Variants in HPGDS observed in about 807,000 individuals in gnomAD.
HPGDS encodes the protein hematopoietic prostaglandin D synthase, also known as GST class-sigma.
In HPGDS, 26 loss-of-function variants were observed where a neutral mutation model predicts 23.1. The observed-to-expected ratio is 1.13, with a 90% CI of 0.83 to 1.56. The LOEUF (loss-of-function observed/expected upper bound fraction) is 1.56, where lower values mean the gene tolerates loss of function less well. Ranked by LOEUF, HPGDS falls within the 40% of genes most tolerant of loss-of-function variation. The pLI, the probability that HPGDS is intolerant of heterozygous loss-of-function variation, is 0.00. For missense variants in HPGDS, 268 were observed against 236.4 expected, an observed-to-expected ratio of 1.13 and a Z score of -0.88; for synonymous variants, 95 against 77.9, an observed-to-expected ratio of 1.22 and a Z score of -1.16.
intron 2 of HPGDS, among the ~76,000 whole-genome samples, chr4:94,324,202 TC>T (rs1377803800): frequency 6.6e-6 from 1 of 152,186 alleles, no homozygotes; most frequent in East Asian, 1.9e-4. Context: ...ATTTTTTCCT[TC>T]ATTTCAACCT....
intron 2 of HPGDS, among the ~76,000 whole-genome samples, chr4:94,324,202 T>A (rs917236535): frequency 1.8e-4 from 27 of 152,186 alleles, no homozygotes; most frequent in Non-Finnish European, 2.9e-4. Flanking sequence ...ATTTTTTCCT[T>A]CATTTCAACC....
intron 2 of HPGDS, among the ~76,000 whole-genome samples, chr4:94,319,551 A>T (rs1312261940): frequency 6.6e-6 from 1 of 152,194 alleles, no homozygotes; most frequent in Non-Finnish European, 1.5e-5. Context: ...TTTGTGATTT[A>T]GTGGTTATCT....
Position 94,334,600 on chromosome 4 carries a change from A to G in HPGDS, c.30T>C (p.Asn10=). The G allele has an allele frequency of 1.9e-6, 3 of 1,613,226 alleles. No individual in the cohort carries two copies. Among genetic ancestry groups the G allele is most frequent in the Non-Finnish European group, 2.5e-6 (3 of 1,179,614 alleles). ...GAATAATTTCTGCTCTCCCCCTCAT[A>G]TTAAAATAAGTGAGTTTGTAGTTTG... MPNYKLTYF[N]MRGRAEIIRY... The change falls in exon 2 of 6, where the codon AAT becomes AAC. Residue 10 remains asparagine, a synonymous_variant. Transcript: ENST00000295256.
At chr4:94,306,298 G>C (rs1003211736) in intron 4 of HPGDS, among the ~76,000 whole-genome samples, 3 of 151,958 alleles carry the variant, frequency 2.0e-5, no homozygotes, top group Non-Finnish European at 4.4e-5. Context: ...TAATAAAGAC[G>C]TCTATTTAGA....
At chr4:94,331,376 T>C (rs1429038558) in intron 2 of HPGDS, among the ~76,000 whole-genome samples, 1 of 152,300 alleles carries the variant, frequency 6.6e-6, no homozygotes, top group African/African-American at 2.4e-5. Flanking sequence ...TTCCTCAGAG[T>C]TGCTTTTTTT....
At position 94,336,807 on chromosome 4, in the gene HPGDS, ATAAT is replaced by A. The variant is rs559645176; in HGVS notation, c.-9-2173_-9-2170del. On this transcript the variant is annotated intron_variant, in intron 1 of 5. Transcript: ENST00000295256. ...ACGAAAATAGTAAATAAAAAACATA[ATAAT>A]TAAGAGATTATTCTTATCCAGGAAA... Among the ~76,000 whole-genome samples, 24 of 152,322 alleles carry A rather than the reference ATAAT, an allele frequency of 1.6e-4. No homozygotes were observed. In the South Asian group the frequency reaches 4.4e-3, roughly 28 times the overall value.
chr4:94,340,314 T>TCTC (rs1560598045), intron 1 of HPGDS, among the ~76,000 whole-genome samples: 1 of 11,086 alleles, frequency 9.0e-5, no homozygotes, highest in African/African-American at 4.4e-4. Flanking sequence ...TCTTTCTCTT[T>TCTC]TTTTTTTTTT....
At chr4:94,309,526 T>C (rs1756216026) in intron 3 of HPGDS, among the ~76,000 whole-genome samples, 1 of 152,144 alleles carries the variant, frequency 6.6e-6, no homozygotes, top group South Asian at 2.1e-4. Context: ...ATCCAGTCTA[T>C]CATTGTTGGA....
chr4:94,316,639 A>T (rs1756404095), intron 3 of HPGDS, among the ~76,000 whole-genome samples: 2 of 152,160 alleles, frequency 1.3e-5, no homozygotes, highest in South Asian at 4.1e-4. Flanking sequence ...ATTCTCTTCC[A>T]CCTGCAAATT....
At chr4:94,320,333 C>T (rs561067933) in intron 2 of HPGDS, among the ~76,000 whole-genome samples, 15 of 152,244 alleles carry the variant, frequency 9.9e-5, no homozygotes, top group African/African-American at 3.1e-4. Flanking sequence ...TGAGGAATCA[C>T]CACACTGTCT....
chr4:94,334,746 G>C, intron 1 of HPGDS, 108 bp from the exon 2 acceptor site: 1 of 924,492 alleles, frequency 1.1e-6, no homozygotes, highest in Admixed American at 2.9e-5. Flanking sequence ...GAGATTACTG[G>C]AGACATTAGA....
chr4:94,340,466 G>A (rs1321317648), intron 1 of HPGDS, among the ~76,000 whole-genome samples: 1 of 145,644 alleles, frequency 6.9e-6, no homozygotes, highest in African/African-American at 2.5e-5. Flanking sequence ...AGCTTCCCGA[G>A]TAGCTGGGAC....
rs1360574870 is a variant in HPGDS at position 94,337,926 on chromosome 4, CTA to C, written c.-9-3290_-9-3289del. ...TTTCTCTGCAAAAATATCTTGAAGT[CTA>C]AGATTTGGCAGAGGCCCAATAGCAG... On this transcript the variant is annotated intron_variant, in intron 1 of 5. Coordinates refer to ENST00000295256, the MANE Select transcript of HPGDS (RefSeq NM_014485.3). 2.0e-5 allele frequency among the ~76,000 whole-genome samples: 3 copies of C among 152,180 alleles called. No homozygotes were observed. In the East Asian group the frequency reaches 5.8e-4, roughly 29 times the overall value.
At chr4:94,337,604 G>A (rs1721048411) in intron 1 of HPGDS, among the ~76,000 whole-genome samples, 1 of 152,140 alleles carries the variant, frequency 6.6e-6, no homozygotes, top group Non-Finnish European at 1.5e-5. Context: ...AAACCCAGGA[G>A]GCAGAGGTTG....
intron 5 of HPGDS, among the ~76,000 whole-genome samples, chr4:94,300,338 G>T (rs933680172): frequency 3.9e-5 from 6 of 152,208 alleles, no homozygotes; most frequent in African/African-American, 1.4e-4. Context: ...CTGGATTAGT[G>T]ATGACAGCCT....
Position 94,308,726 on chromosome 4 carries a change from C to T in HPGDS, c.244G>A (p.Glu82Lys). The T allele has an allele frequency of 6.3e-6, 10 of 1,598,552 alleles. No homozygotes were observed. Among genetic ancestry groups the T allele is most frequent in the Non-Finnish European group, 7.7e-6 (9 of 1,167,838 alleles). The change falls in exon 4 of 6, where the codon GAA (glutamate) becomes AAA (lysine). Residue 82 changes from glutamate (E) to lysine (K), a missense_variant. Transcript: ENST00000295256. ...GCATCAACATGACATTGTTCCATTT[C>T]TGTGTTTCCAGCCAAATCTGTGGAA... ...TKNTDLAGNT[E>K]MEQCHVDAIV...
intron 2 of HPGDS, 33 bp downstream of exon 2, chr4:94,334,464 A>AT: frequency 6.5e-7 from 1 of 1,533,988 alleles, no homozygotes; most frequent in Non-Finnish European, 8.8e-7. Flanking sequence ...CTGAAAGCAT[A>AT]TTTTTCCTAC....
intron 4 of HPGDS, among the ~76,000 whole-genome samples, chr4:94,307,560 A>G (rs1756161787): frequency 6.6e-6 from 1 of 152,188 alleles, no homozygotes; most frequent in South Asian, 2.1e-4. Flanking sequence ...CTCCAGCTCC[A>G]TAGAATGGCA....
intron 3 of HPGDS, among the ~76,000 whole-genome samples, chr4:94,313,833 A>G (rs573946961): frequency 6.6e-6 from 1 of 152,104 alleles, no homozygotes; most frequent in African/African-American, 2.4e-5. Flanking sequence ...GGCTTTGTTC[A>G]TTTCTTTTTA....
Sources: allele counts gnomAD v4.1 joint callset (sites outside exome capture counted in the v4.1 genomes callset), GRCh38; gene constraint gnomAD v4.1.1; transcripts MANE v1.5; gene names NCBI Gene and HGNC (gene_info 2026-07-23, HGNC 2026-07-21).